Variants in TMEM117 observed in about 807,000 individuals in gnomAD.
TMEM117 encodes transmembrane protein 117.
In TMEM117, 27 loss-of-function variants were observed where a neutral mutation model predicts 52.4. The ratio of observed to expected loss-of-function variants is 0.51; its 90% CI spans 0.38 to 0.71. The LOEUF (loss-of-function observed/expected upper bound fraction) is 0.71. Ranked by LOEUF, TMEM117 falls within the 30% of genes least tolerant of loss-of-function variation. TMEM117 has a pLI of 0.00. For synonymous variants in TMEM117, 215 were observed against 206.3 expected, an observed-to-expected ratio of 1.04 and a Z score of -0.36; for missense variants, 556 against 630.5, an observed-to-expected ratio of 0.88 and a Z score of 1.26.
chr12:44,219,361 A>T (rs910658576), intron 5 of TMEM117, among the ~76,000 whole-genome samples: 1 of 152,194 alleles, frequency 6.6e-6, no homozygotes, highest in Non-Finnish European at 1.5e-5. Context: ...TTTGCTGATG[A>T]TTAGATATAT....
At chr12:44,087,717 G>A (rs530634169) in intron 3 of TMEM117, among the ~76,000 whole-genome samples, 4 of 152,084 alleles carry the variant, frequency 2.6e-5, no homozygotes, top group African/African-American at 9.6e-5. Context: ...CACCCTCCTC[G>A]GCTTTCCAAA....
chr12:43,947,402 C>G (rs945230110), intron 3 of TMEM117, among the ~76,000 whole-genome samples: 1 of 152,124 alleles, frequency 6.6e-6, no homozygotes, highest in African/African-American at 2.4e-5. Context: ...ACTTTTATGA[C>G]ACATCATTTG....
chr12:44,009,971 A>G (rs1048286201), intron 3 of TMEM117: 1 of 290,018 alleles, frequency 3.4e-6, no homozygotes, highest in Admixed American at 3.9e-5. Context: ...CAGTTGCTTC[A>G]TCGTATCAGA....
chr12:43,797,431 T>C, the TMEM117 span: 2 of 1,594,732 alleles, frequency 1.3e-6, no homozygotes, highest in Non-Finnish European at 1.7e-6. Context: ...AAAATTATAA[T>C]TTCATTTTTT....
chr12:44,240,338 G>A (rs560298180), intron 5 of TMEM117, among the ~76,000 whole-genome samples: 14 of 152,176 alleles, frequency 9.2e-5, no homozygotes, highest in South Asian at 6.2e-4. Flanking sequence ...TCCTTTTAAG[G>A]CCATTTCCCA....
intron 5 of TMEM117, among the ~76,000 whole-genome samples, chr12:44,252,289 T>A (rs1452192320): frequency 6.6e-6 from 1 of 152,104 alleles, no homozygotes; most frequent in Non-Finnish European, 1.5e-5. Flanking sequence ...GCGGATCACT[T>A]AAGTCCAGAG....
chr12:43,910,186 C>T (rs1944471575), intron 2 of TMEM117, among the ~76,000 whole-genome samples: 1 of 150,064 alleles, frequency 6.7e-6, no homozygotes, highest in African/African-American at 2.5e-5. Flanking sequence ...AAGGCTGGTT[C>T]AATATATGCA....
intron 3 of TMEM117, chr12:44,073,938 G>A (rs1270344219): frequency 6.6e-6 from 1 of 152,176 alleles, no homozygotes; most frequent in Non-Finnish European, 1.5e-5. Flanking sequence ...TTTAGTACAT[G>A]AGCCATTTTG....
At chr12:44,235,710 C>A (rs1207507366) in intron 5 of TMEM117, among the ~76,000 whole-genome samples, 1 of 151,530 alleles carries the variant, frequency 6.6e-6, no homozygotes, top group Non-Finnish European at 1.5e-5. Flanking sequence ...ATTCCTTCTG[C>A]TTGAAGTAAG....
downstream of TMEM117, among the ~76,000 whole-genome samples, chr12:44,390,129 A>G (rs1952152178): frequency 6.6e-6 from 1 of 151,836 alleles, no homozygotes; most frequent in South Asian, 2.1e-4. Flanking sequence ...AGCATTTGGA[A>G]CCATGCCCCT....
At chr12:43,838,945 T>C (rs1943075387) in intron 1 of TMEM117, among the ~76,000 whole-genome samples, 1 of 152,160 alleles carries the variant, frequency 6.6e-6, no homozygotes, top group African/African-American at 2.4e-5. Flanking sequence ...ATTACAAGTT[T>C]GCTGTCTATA....
chr12:44,024,348 A>G (rs1946499535), intron 3 of TMEM117, among the ~76,000 whole-genome samples: 1 of 152,200 alleles, frequency 6.6e-6, no homozygotes, highest in South Asian at 2.1e-4. Flanking sequence ...GGATAAAAAT[A>G]TGAGTGCTGT....
chr12:44,229,564 A>G (rs995312086), intron 5 of TMEM117, among the ~76,000 whole-genome samples: 10 of 152,106 alleles, frequency 6.6e-5, no homozygotes, highest in South Asian at 2.1e-4. Context: ...GGATTTTGGA[A>G]CAATTCACTT....
chr12:44,197,307 A>G (rs958435375), intron 4 of TMEM117, among the ~76,000 whole-genome samples: 1 of 152,102 alleles, frequency 6.6e-6, no homozygotes, highest in Non-Finnish European at 1.5e-5. Flanking sequence ...ATCCCTGTAT[A>G]CATTTTCAGA....
intron 6 of TMEM117, among the ~76,000 whole-genome samples, chr12:44,333,795 G>T (rs1951304312): frequency 6.6e-6 from 1 of 152,000 alleles, no homozygotes; most frequent in African/African-American, 2.4e-5. Flanking sequence ...TTATGGAGAA[G>T]TAAAGAGAGA....
intron 3 of TMEM117, among the ~76,000 whole-genome samples, chr12:43,994,797 G>T (rs997668848): frequency 6.6e-6 from 1 of 151,990 alleles, no homozygotes; most frequent in Non-Finnish European, 1.5e-5. Flanking sequence ...GGTCTTCGTT[G>T]GACTGGGAAG....
intron 6 of TMEM117, among the ~76,000 whole-genome samples, chr12:44,333,898 G>A (rs1951305714): frequency 6.6e-6 from 1 of 152,012 alleles, no homozygotes; most frequent in Non-Finnish European, 1.5e-5. Context: ...TGAAGAGGTT[G>A]ATGAAAGGAA....
chr12:44,366,079 A>C (rs543189355), intron 6 of TMEM117, among the ~76,000 whole-genome samples: 16 of 152,230 alleles, frequency 1.1e-4, no homozygotes, highest in African/African-American at 3.6e-4. Context: ...TCTAGTGAGC[A>C]TTGAGTAACT....
intron 5 of TMEM117, among the ~76,000 whole-genome samples, chr12:44,287,400 G>C (rs568067511): frequency 6.6e-6 from 1 of 152,280 alleles, no homozygotes; most frequent in South Asian, 2.1e-4. Flanking sequence ...TTTAAAAAGA[G>C]AAGTAGAAAC....
Sources: allele counts gnomAD v4.1 joint callset (sites outside exome capture counted in the v4.1 genomes callset), GRCh38; gene constraint gnomAD v4.1.1; transcripts MANE v1.5; gene names NCBI Gene and HGNC (gene_info 2026-07-23, HGNC 2026-07-21).